Variants in KIF26B observed in about 807,000 individuals in gnomAD.
The protein encoded by KIF26B is kinesin-like protein KIF26B.
Under a neutral mutation model 151.2 loss-of-function variants are expected in KIF26B, and 63 were observed. The ratio of observed to expected loss-of-function variants is 0.42; its 90% CI spans 0.34 to 0.51. The LOEUF (loss-of-function observed/expected upper bound fraction) is 0.51. KIF26B is among the 20% of genes least tolerant of loss of function. KIF26B has a pLI of 0.07. For missense variants in KIF26B, 2,813 were observed against 2,913.6 expected (o/e 0.97, Z 0.79); for synonymous variants, 1,357 against 1,262.1 (o/e 1.08, Z -1.59).
Position 245,674,604 on chromosome 1 carries a change from C to T in KIF26B, c.2259-9629C>T, listed in dbSNP as rs140253215. 3.3e-5 allele frequency among the ~76,000 whole-genome samples: 5 copies of T among 152,304 alleles called. No homozygotes were observed. In the East Asian group the frequency reaches 9.6e-4, roughly 29 times the overall value. ...TATTTGTCTATAAAGTCCACTAATT[C>T]ACCTTCTAAGTTGTTGTTTTGGGTT... On this transcript the variant is annotated intron_variant, in intron 10 of 14. Coordinates refer to ENST00000407071, the MANE Select transcript of KIF26B (RefSeq NM_018012.4).
chr1:245,651,377 TTGTGGCAG>T (rs1313218946), intron 10 of KIF26B, among the ~76,000 whole-genome samples: 3 of 152,196 alleles, frequency 2.0e-5, no homozygotes, highest in Non-Finnish European at 4.4e-5. Flanking sequence ...TGGGTCACAC[TTGTGGCAG>T]CAGGCCCAGC....
chr1:245,305,746 G>A (rs1011484660), intron 2 of KIF26B, among the ~76,000 whole-genome samples: 7 of 151,966 alleles, frequency 4.6e-5, no homozygotes, highest in African/African-American at 1.7e-4. Context: ...AGACCATCCT[G>A]GCTAACATGG....
intron 2 of KIF26B, among the ~76,000 whole-genome samples, chr1:245,203,092 C>A (rs1669333789): frequency 6.7e-6 from 1 of 150,362 alleles, no homozygotes; most frequent in African/African-American, 2.4e-5. Context: ...ACTAAAAATA[C>A]AAAAATTAGC....
chr1:245,633,979 T>C (rs2103174474), intron 9 of KIF26B, among the ~76,000 whole-genome samples: 1 of 152,228 alleles, frequency 6.6e-6, no homozygotes, highest in African/African-American at 2.4e-5. Flanking sequence ...CTAATTTCTT[T>C]TTGTATCATT....
intron 4 of KIF26B, among the ~76,000 whole-genome samples, chr1:245,504,155 G>A (rs541657207): frequency 1.1e-4 from 16 of 152,220 alleles, no homozygotes; most frequent in African/African-American, 3.9e-4. Context: ...AAGAGAGGAG[G>A]CCCTGGGCCC....
intron 4 of KIF26B, among the ~76,000 whole-genome samples, chr1:245,431,729 G>A (rs915412795): frequency 1.3e-5 from 2 of 151,702 alleles, no homozygotes; most frequent in African/African-American, 4.8e-5. Flanking sequence ...CACCCACCTT[G>A]GCCTCCCAAA....
intron 2 of KIF26B, among the ~76,000 whole-genome samples, chr1:245,265,937 A>G (rs1670738151): frequency 6.6e-6 from 1 of 152,152 alleles, no homozygotes; most frequent in Non-Finnish European, 1.5e-5. Flanking sequence ...CATAAGCAAA[A>G]AGCATAAACC....
chr1:245,417,316 A>G (rs923184145), intron 3 of KIF26B, among the ~76,000 whole-genome samples: 4 of 151,696 alleles, frequency 2.6e-5, no homozygotes, highest in African/African-American at 9.7e-5. Context: ...TTTTTTCTTA[A>G]ATTAGAAGAG....
intron 4 of KIF26B, among the ~76,000 whole-genome samples, chr1:245,510,052 G>A (rs1248175756): frequency 1.3e-5 from 2 of 152,158 alleles, no homozygotes; most frequent in Non-Finnish European, 2.9e-5. Context: ...TGGGGCATGC[G>A]AAGTTGACAG....
rs937980561 is a variant in KIF26B at position 245,211,921 on chromosome 1, C to T, written c.465+55238C>T. On this transcript the variant is annotated intron_variant, in intron 2 of 14. Transcript: ENST00000407071. ...GTGATTTCCATTCGGCCTGCACCCA[C>T]GGCAGTGGGCTCTGCCCGACTGCTC... Among the ~76,000 whole-genome samples, 22 of 152,316 alleles carry T rather than the reference C, an allele frequency of 1.4e-4. No homozygotes were observed. The East Asian group carries it at 2.3e-3, about 16-fold the overall frequency.
rs141707315 is a variant in KIF26B, at chr1:245,266,625, G to C, written c.466-100209G>C. Among the ~76,000 whole-genome samples the C allele has an allele frequency of 1.6e-3, 239 of 151,932 alleles. 1 individual carries two copies. The highest frequency in any genetic ancestry group is 2.3e-3 in the Admixed American group (35 of 15,256). On this transcript the variant is annotated intron_variant, in intron 2 of 14. Coordinates refer to ENST00000407071, the MANE Select transcript of KIF26B (RefSeq NM_018012.4). Reference sequence around the variant, plus strand: ...CGGGTTCAAGCAATTCCCTGCTTCAGCCTCCCGATTAGCTGGGACTACAGG... The same window carrying C: ...CGGGTTCAAGCAATTCCCTGCTTCACCCTCCCGATTAGCTGGGACTACAGG...
chr1:245,365,625 G>C (rs750797630), intron 2 of KIF26B, among the ~76,000 whole-genome samples: 22 of 152,046 alleles, frequency 1.4e-4, no homozygotes, highest in African/African-American at 5.1e-4. Flanking sequence ...TAATGTCCTA[G>C]AGGTAAATAA....
At chr1:245,296,416 G>GAATAGTTCA (rs1671337637) in intron 2 of KIF26B, among the ~76,000 whole-genome samples, 1 of 152,038 alleles carries the variant, frequency 6.6e-6, no homozygotes, top group South Asian at 2.1e-4. Context: ...GAGGCAAGCA[G>GAATAGTTCA]AATAGTTCAG....
rs2044517303 is a variant in KIF26B at position 245,686,270 on chromosome 1, G to C, written c.3287G>C (p.Gly1096Ala). ...SQRCKVYTQKGVLPSPAPLPP... is the reference protein window; with the variant it reads ...SQRCKVYTQKAVLPSPAPLPP... The stretch of plus-strand genomic sequence containing the variant: ...AGATGCAAAGTCTACACCCAGAAGG[G>C]GGTCCTGCCGTCTCCCGCCCCACTG... Residue 1096 changes from glycine to alanine, a missense_variant, in exon 12 of 15, where the codon GGG becomes GCG. Physicochemically the swap from Gly to Ala is moderately conservative, Grantham distance 60 (BLOSUM62 0). Transcript: ENST00000407071. This position sits in a 1 kb window ranked among gnomAD's most constrained non-coding sequence, Gnocchi z 5.6. The C allele has an allele frequency of 1.2e-6, 2 of 1,612,904 alleles. No individual in the cohort carries two copies. The highest frequency in any genetic ancestry group is 1.7e-6 in the Non-Finnish European group (2 of 1,179,886).
intron 2 of KIF26B, among the ~76,000 whole-genome samples, chr1:245,205,718 T>C (rs1573707305): frequency 6.8e-6 from 1 of 146,870 alleles, no homozygotes; most frequent in South Asian, 2.2e-4. Flanking sequence ...TCTTTTCTTT[T>C]TTTTTTTTTT....
At chr1:245,582,882 C>G (rs1357128053) in intron 5 of KIF26B, among the ~76,000 whole-genome samples, 1 of 152,116 alleles carries the variant, frequency 6.6e-6, no homozygotes. Context: ...GAATTTAAAC[C>G]AATGCATGAG....
intron 4 of KIF26B, among the ~76,000 whole-genome samples, chr1:245,469,426 T>A (rs1359686877): frequency 6.6e-6 from 1 of 152,196 alleles, no homozygotes; most frequent in Non-Finnish European, 1.5e-5. Context: ...GTATCCATTA[T>A]AAAAAAAGAT....
At chr1:245,425,192 T>G (rs1054584069) in intron 4 of KIF26B, among the ~76,000 whole-genome samples, 2 of 152,186 alleles carry the variant, frequency 1.3e-5, no homozygotes, top group Non-Finnish European at 2.9e-5. Context: ...CTTTACCTTA[T>G]AAAGTATGGA....
chr1:245,367,212 G>C lies in KIF26B; in HGVS notation c.844G>C (p.Gly282Arg). Reference protein sequence around the residue: ...GVSNGAEKKSGSPTHQAKVSL... With the variant: ...GVSNGAEKKSRSPTHQAKVSL... ...CAGCAATGGGGCGGAAAAGAAGAGC[G>C]GGTCCCCAACCCACCAGGCCAAGGT... The change falls in exon 3 of 15, where the codon GGG becomes CGG. Residue 282 changes from glycine (G) to arginine (R), a missense_variant. By Grantham distance (125) the Gly-to-Arg change is moderately radical. Around this residue, in one of 3 missense-constraint regions of KIF26B, gnomAD observed 676 missense variants for 688.1 expected, o/e 0.98. Transcript: ENST00000407071. This position sits in a 1 kb window ranked among gnomAD's most constrained non-coding sequence, Gnocchi z 4.2. 6.2e-7 allele frequency: 1 copy of C among 1,609,960 alleles called. No homozygotes were observed. The highest frequency in any genetic ancestry group is 8.5e-7 in the Non-Finnish European group (1 of 1,178,196).
Sources: gnomAD v4.1 joint callset for allele counts (sites outside exome capture counted in the v4.1 genomes callset) on GRCh38, gnomAD v4.1.1 for gene constraint, gnomAD v4.1.1 regional missense constraint, Gnocchi (gnomAD v3.1) non-coding constraint, MANE v1.5 for transcripts, NCBI Gene and HGNC (gene_info 2026-07-23, HGNC 2026-07-21) for gene names.